The following TTC17 variants were observed in gnomAD, a reference collection of about 807,000 sequenced individuals.
TTC17 encodes tetratricopeptide repeat protein 17.
A neutral mutation model predicts 143.8 loss-of-function variants in TTC17; 58 were observed. That is an observed-to-expected ratio of 0.40 (90% CI 0.33 to 0.50). The LOEUF (loss-of-function observed/expected upper bound fraction) is 0.50, where lower values mean the gene tolerates loss of function less well. Ranked by LOEUF, TTC17 falls within the 20% of genes least tolerant of loss-of-function variation. TTC17 has a pLI of 0.49. For missense variants in TTC17, 1,273 were observed against 1,392.5 expected (o/e 0.91, Z 1.37); for synonymous variants, 501 against 497.8 (o/e 1.01, Z -0.09).
At chr11:43,442,557 T>C (rs763795034) in intron 16 of TTC17, among the ~76,000 whole-genome samples, 1 of 152,124 alleles carries the variant, frequency 6.6e-6, no homozygotes, top group Non-Finnish European at 1.5e-5. Flanking sequence ...AAAGAAAGCC[T>C]TCTATTAAGA....
intron 5 of TTC17, among the ~76,000 whole-genome samples, chr11:43,395,072 A>G (rs928098410): frequency 4.0e-5 from 6 of 150,632 alleles, no homozygotes; most frequent in Admixed American, 1.3e-4. Flanking sequence ...TTAACTTATC[A>G]TGATCTCTTC....
In TTC17 at chr11:43,493,778, A is replaced by C; in HGVS notation, c.3300A>C (p.Glu1100Asp). Residue 1100 changes from glutamate (E) to aspartate (D), a missense_variant, in exon 24 of 24, where the codon GAA becomes GAC. Glu to Asp is a conservative substitution (Grantham distance 45, BLOSUM62 2). Coordinates refer to ENST00000039989, the MANE Select transcript of TTC17 (RefSeq NM_018259.6). Reference sequence around the variant, plus strand: ...TCTCTCCTTGGCCCTCACAGGAAGAATTTGAAAAAGCACTGGTGTGGTATG... The same window carrying C: ...TCTCTCCTTGGCCCTCACAGGAAGACTTTGAAAAAGCACTGGTGTGGTATG... Reference protein sequence around the residue: ...TLGNVYVAMEEFEKALVWYES... With the variant: ...TLGNVYVAMEDFEKALVWYES... 6.2e-7 allele frequency: 1 copy of C among 1,614,078 alleles called. No individual in the cohort carries two copies. Among genetic ancestry groups the C allele is most frequent in the Non-Finnish European group, 8.5e-7 (1 of 1,179,968 alleles).
chr11:43,475,410 A>G (rs1194842278), intron 21 of TTC17, among the ~76,000 whole-genome samples: 1 of 152,178 alleles, frequency 6.6e-6, no homozygotes, highest in Non-Finnish European at 1.5e-5. Context: ...ACCACTCACT[A>G]CAGCCTCAAC....
chr11:43,451,006 G>T (rs1947646923), intron 20 of TTC17, among the ~76,000 whole-genome samples, 176 bp from the exon 21 acceptor site: 1 of 152,126 alleles, frequency 6.6e-6, no homozygotes, highest in South Asian at 2.1e-4. Flanking sequence ...GAGCTGAGGG[G>T]ATGATAAAAC....
chr11:43,446,955 T>C (rs1024818666), intron 18 of TTC17, among the ~76,000 whole-genome samples: 7 of 152,224 alleles, frequency 4.6e-5, no homozygotes, highest in African/African-American at 1.7e-4. Flanking sequence ...TGCCAGTTGC[T>C]AGCCAGGTGA....
At chr11:43,475,408 C>A (rs1475026694) in intron 21 of TTC17, among the ~76,000 whole-genome samples, 1 of 152,174 alleles carries the variant, frequency 6.6e-6, no homozygotes, top group Non-Finnish European at 1.5e-5. Flanking sequence ...TCACCACTCA[C>A]TACAGCCTCA....
chr11:43,373,461 C>T (rs1355092226), intron 1 of TTC17, among the ~76,000 whole-genome samples: 2 of 151,758 alleles, frequency 1.3e-5, no homozygotes, highest in Admixed American at 1.3e-4. Flanking sequence ...GTAGCTGGAA[C>T]TACAGGCTCC....
chr11:43,406,356 G>A (rs1275949681), intron 13 of TTC17, among the ~76,000 whole-genome samples: 2 of 152,018 alleles, frequency 1.3e-5, no homozygotes, highest in Non-Finnish European at 2.9e-5. Flanking sequence ...ACCCTGCTGT[G>A]ACCTTATATG....
chr11:43,486,380 A>G, intron 21 of TTC17: 1 of 444,760 alleles, frequency 2.2e-6, no homozygotes, highest in Non-Finnish European at 4.5e-6. Context: ...GAAAAAAAAT[A>G]GTAGATGTAA....
At chr11:43,413,696 A>G (rs527828486) in intron 15 of TTC17, among the ~76,000 whole-genome samples, 51 of 152,050 alleles carry the variant, frequency 3.4e-4, no homozygotes, top group African/African-American at 1.2e-3. Flanking sequence ...CAAATGGCCA[A>G]TAGGCACCTG....
At chr11:43,451,356 TG>T in intron 21 of TTC17, 91 bp downstream of exon 21, 2 of 1,129,270 alleles carry the variant, frequency 1.8e-6, no homozygotes, top group Non-Finnish European at 2.6e-6. Flanking sequence ...TAACCTCTTC[TG>T]TTAGTTACTT....
At position 43,401,502 on chromosome 11, in the gene TTC17, G is replaced by A; in HGVS notation, c.1276G>A (p.Asp426Asn). The A allele has an allele frequency of 2.5e-6, 4 of 1,613,628 alleles. No individual in the cohort carries two copies. The highest frequency in any genetic ancestry group is 3.4e-6 in the Non-Finnish European group (4 of 1,179,858). ...GCAGCATAGTTTACATTGCCAGTGG[G>A]ACCAGCCTGTACGCTATCATCGTGG... ...NQQHSLHCQW[D>N]QPVRYHRGDI... Residue 426 changes from aspartate (D) to asparagine (N), a missense_variant, in exon 10 of 24, where the codon GAC becomes AAC. Coordinates refer to ENST00000039989, the MANE Select transcript of TTC17 (RefSeq NM_018259.6).
At chr11:43,402,419 G>A (rs1473180952) in intron 10 of TTC17, among the ~76,000 whole-genome samples, 5 of 151,540 alleles carry the variant, frequency 3.3e-5, no homozygotes, top group Non-Finnish European at 5.9e-5. Flanking sequence ...ACTTTCTGTC[G>A]CTGTATATAC....
intron 1 of TTC17, among the ~76,000 whole-genome samples, chr11:43,359,791 C>T (rs1038689532): frequency 2.0e-5 from 3 of 152,226 alleles, no homozygotes; most frequent in Non-Finnish European, 4.4e-5. Flanking sequence ...TGCTTTGTTT[C>T]TTTACCTAGT....
At chr11:43,436,908 C>T (rs1323687187) in intron 16 of TTC17, among the ~76,000 whole-genome samples, 1 of 152,092 alleles carries the variant, frequency 6.6e-6, no homozygotes, top group Non-Finnish European at 1.5e-5. Flanking sequence ...TCTATCCACA[C>T]ATCATCTTTT....
chr11:43,424,776 C>T (rs1010984486), intron 16 of TTC17, among the ~76,000 whole-genome samples: 2 of 152,000 alleles, frequency 1.3e-5, no homozygotes, highest in African/African-American at 4.8e-5. Context: ...AAAAAAGAAA[C>T]ATGAAAAGTT....
chr11:43,473,876 C>T (rs969560073), intron 21 of TTC17, among the ~76,000 whole-genome samples: 3 of 143,122 alleles, frequency 2.1e-5, no homozygotes, highest in Non-Finnish European at 4.5e-5. Flanking sequence ...GAATGAGACT[C>T]TGTCTCAAAA....
chr11:43,427,218 A>G (rs1462418548), intron 16 of TTC17, among the ~76,000 whole-genome samples: 1 of 152,186 alleles, frequency 6.6e-6, no homozygotes, highest in Non-Finnish European at 1.5e-5. Flanking sequence ...GCAGGTGACC[A>G]CTTGTAGCAG....
At chr11:43,432,852 C>A (rs963156006) in intron 16 of TTC17, among the ~76,000 whole-genome samples, 1 of 152,138 alleles carries the variant, frequency 6.6e-6, no homozygotes, top group Non-Finnish European at 1.5e-5. Flanking sequence ...ATTTTAAGTT[C>A]TTCTGAAATA....
Sources: allele counts gnomAD v4.1 joint callset (sites outside exome capture counted in the v4.1 genomes callset), GRCh38; gene constraint gnomAD v4.1.1; transcripts MANE v1.5; gene names NCBI Gene and HGNC (gene_info 2026-07-23, HGNC 2026-07-21).